Variants in TNIK observed in about 807,000 individuals in gnomAD.
TNIK encodes the protein TRAF2 and NCK-interacting protein kinase.
In TNIK, 49 loss-of-function variants were observed where a neutral mutation model predicts 191.3. The ratio of observed to expected loss-of-function variants is 0.26; its 90% CI spans 0.20 to 0.32. The LOEUF is 0.32. TNIK is among the 10% of genes least tolerant of loss of function. The pLI is 1.00. For synonymous variants in TNIK, 594 were observed against 600.9 expected (o/e 0.99, Z 0.17); for missense variants, 1,155 against 1,702.3 (o/e 0.68, Z 5.66).
chr3:171,388,655 T>C (rs1195513586), intron 1 of TNIK, among the ~76,000 whole-genome samples: 1 of 152,190 alleles, frequency 6.6e-6, no homozygotes, highest in African/African-American at 2.4e-5. Flanking sequence ...TTCAACTGCT[T>C]TCAGTTAGTC....
At chr3:171,114,930 T>A (rs1230415329) in intron 18 of TNIK, among the ~76,000 whole-genome samples, 1 of 148,890 alleles carries the variant, frequency 6.7e-6, no homozygotes, top group Non-Finnish European at 1.5e-5. Context: ...TTTCATTTTT[T>A]AAAATAAATA....
intron 18 of TNIK, among the ~76,000 whole-genome samples, chr3:171,117,241 C>T (rs1726873158): frequency 6.6e-6 from 1 of 152,162 alleles, no homozygotes; most frequent in Non-Finnish European, 1.5e-5. Context: ...CTGTGTCAGT[C>T]AAGAAATCAA....
Position 171,107,164 on chromosome 3 carries a change from A to C in TNIK, c.2406+19T>G. ...ATTTACATTTTGTGAAAGCATGACCAAGAAAAGGTAATACTAACCTCATCT... is the reference window on the plus strand; with the variant it reads ...ATTTACATTTTGTGAAAGCATGACCCAGAAAAGGTAATACTAACCTCATCT... On this transcript the variant is annotated intron_variant, in intron 21 of 32. Transcript: ENST00000436636. The C allele has an allele frequency of 6.2e-7, 1 of 1,607,872 alleles. No individual in the cohort carries two copies. Among genetic ancestry groups the C allele is most frequent in the Non-Finnish European group, 8.5e-7 (1 of 1,177,964 alleles).
At chr3:171,395,442 TA>T (rs1720093204) in intron 1 of TNIK, among the ~76,000 whole-genome samples, 8 of 152,184 alleles carry the variant, frequency 5.3e-5, no homozygotes, top group Admixed American at 5.2e-4. Flanking sequence ...TCGCAATTAT[TA>T]CAACTATTAA....
intron 28 of TNIK, among the ~76,000 whole-genome samples, chr3:171,074,914 TGCTCC>T (rs1374570872): frequency 5.8e-4 from 88 of 152,264 alleles, no homozygotes; most frequent in African/African-American, 2.0e-3. Flanking sequence ...TACCAGATAT[TGCTCC>T]CTGGTTAAAT....
intron 2 of TNIK, among the ~76,000 whole-genome samples, chr3:171,259,315 G>A (rs1747301308): frequency 6.6e-6 from 1 of 152,172 alleles, no homozygotes; most frequent in Admixed American, 6.5e-5. Flanking sequence ...GTCGCCATTA[G>A]GAACGCACCC....
intron 22 of TNIK, among the ~76,000 whole-genome samples, chr3:171,100,319 C>G (rs1415013407): frequency 7.9e-5 from 12 of 152,268 alleles, no homozygotes; most frequent in Non-Finnish European, 7.4e-5. Flanking sequence ...CTGTCAGCAA[C>G]TGGGTCATCA....
At chr3:171,449,525 T>C (rs1353793061) in intron 1 of TNIK, among the ~76,000 whole-genome samples, 1 of 152,096 alleles carries the variant, frequency 6.6e-6, no homozygotes, top group East Asian at 1.9e-4. Context: ...TTATTAGGTT[T>C]AAAAAATAGG....
chr3:171,421,647 G>C (rs1274506867), intron 1 of TNIK, among the ~76,000 whole-genome samples: 2 of 151,688 alleles, frequency 1.3e-5, no homozygotes, highest in African/African-American at 4.8e-5. Context: ...GCTAACCTCG[G>C]AGCCAGGCTG....
chr3:171,077,417 AC>A (rs1412675173), intron 28 of TNIK, among the ~76,000 whole-genome samples: 1 of 152,170 alleles, frequency 6.6e-6, no homozygotes, highest in Non-Finnish European at 1.5e-5. Context: ...AATTTTTAAG[AC>A]AGGAGTAAAT....
At chr3:171,261,956 G>C (rs546376117) in intron 2 of TNIK, among the ~76,000 whole-genome samples, 5 of 152,110 alleles carry the variant, frequency 3.3e-5, no homozygotes, top group Admixed American at 1.3e-4. Context: ...CAAGACGCCA[G>C]GTTTTATGAA....
Position 171,157,811 on chromosome 3 carries a change from C to T in TNIK, c.1017-147G>A, listed in dbSNP as rs1733424290. 37 of 826,536 alleles carry T rather than the reference C, an allele frequency of 4.5e-5. No homozygotes were observed. In the South Asian group the frequency reaches 5.8e-4, roughly 13 times the overall value. The allele number at this position is 826,536 out of a possible 1,614,324, so 51.2% of individuals were successfully genotyped here. On this transcript the variant is annotated intron_variant, in intron 11 of 32. Coordinates refer to ENST00000436636, the MANE Select transcript of TNIK (RefSeq NM_015028.4). Reference sequence around the variant, plus strand: ...CTCCTAGATCCTCCGCTAATTCAATCATTCACCCCAAAGAAACAGCATCAG... The same window carrying T: ...CTCCTAGATCCTCCGCTAATTCAATTATTCACCCCAAAGAAACAGCATCAG...
chr3:171,139,865 G>A (rs1485354400), intron 13 of TNIK, among the ~76,000 whole-genome samples: 1 of 152,154 alleles, frequency 6.6e-6, no homozygotes, highest in Admixed American at 6.6e-5. Context: ...TCTCTTTATG[G>A]ACTACCTGGA....
At chr3:171,273,461 T>C (rs1312438182) in intron 2 of TNIK, among the ~76,000 whole-genome samples, 1 of 152,204 alleles carries the variant, frequency 6.6e-6, no homozygotes, top group Non-Finnish European at 1.5e-5. Flanking sequence ...AAGTGAGTAA[T>C]GTAGAACTGT....
chr3:171,093,015 G>A (rs1181693699), intron 23 of TNIK, among the ~76,000 whole-genome samples: 3 of 152,190 alleles, frequency 2.0e-5, no homozygotes, highest in Non-Finnish European at 4.4e-5. Flanking sequence ...CATCTTATAA[G>A]TTGTATGCTA....
At chr3:171,276,721 C>A (rs1364794899) in intron 2 of TNIK, among the ~76,000 whole-genome samples, 8 of 151,842 alleles carry the variant, frequency 5.3e-5, no homozygotes, top group Non-Finnish European at 1.0e-4. Context: ...GTGCCAAGAG[C>A]CTAATTTTAC....
At chr3:171,110,579 G>T in intron 19 of TNIK, 135 bp downstream of exon 19, 2 of 1,166,588 alleles carry the variant, frequency 1.7e-6, no homozygotes, top group Non-Finnish European at 2.3e-6. Flanking sequence ...GGGGTTGAGA[G>T]CAGTTGACAG....
chr3:171,170,642 A>G (rs1735151337), intron 9 of TNIK, among the ~76,000 whole-genome samples: 2 of 152,222 alleles, frequency 1.3e-5, no homozygotes, highest in Admixed American at 6.5e-5. Context: ...CATAAATGCC[A>G]CATATGTGTT....
chr3:171,442,501 C>G (rs1223507310), intron 1 of TNIK, among the ~76,000 whole-genome samples: 1 of 152,216 alleles, frequency 6.6e-6, no homozygotes, highest in Non-Finnish European at 1.5e-5. Flanking sequence ...CTCTTTCAAT[C>G]TAGAAAGCAA....
Sources: gnomAD v4.1 joint callset for allele counts (sites outside exome capture counted in the v4.1 genomes callset) on GRCh38, gnomAD v4.1.1 for gene constraint, MANE v1.5 for transcripts, NCBI Gene and HGNC (gene_info 2026-07-23, HGNC 2026-07-21) for gene names.